ZNF804A: variants seen among roughly 807,000 people sequenced by gnomAD.
The protein encoded by ZNF804A is zinc finger protein 804A.
ZNF804A carries 2 observed loss-of-function variants against 16.5 expected under a neutral mutation model. The observed-to-expected ratio is 0.12, with a 90% CI of 0.05 to 0.38. ZNF804A has a LOEUF of 0.38. ZNF804A is among the 10% of genes least tolerant of loss of function. The pLI is 0.99. For missense variants in ZNF804A, 1,473 were observed against 1,390.7 expected, an observed-to-expected ratio of 1.06 and a Z score of -0.94; for synonymous variants, 534 against 489.6, an observed-to-expected ratio of 1.09 and a Z score of -1.20.
rs373011734 is a variant in ZNF804A, at chr2:184,884,228, A to G, written c.255+17716A>G. ...TAGCTACAAAAGGTATAAAATACCTAGGAATATAGGTAACCAGGGAGGTGA... is the reference window on the plus strand; with the variant it reads ...TAGCTACAAAAGGTATAAAATACCTGGGAATATAGGTAACCAGGGAGGTGA... On this transcript the variant is annotated intron_variant, in intron 2 of 3. Transcript: ENST00000302277. Among the ~76,000 whole-genome samples, 7 of 152,294 alleles carry G rather than the reference A, an allele frequency of 4.6e-5. No individual in the cohort carries two copies. In the East Asian group the frequency reaches 7.7e-4, roughly 17 times the overall value.
intron 1 of ZNF804A, among the ~76,000 whole-genome samples, chr2:184,685,511 T>A (rs1454753776): frequency 1.3e-5 from 2 of 151,946 alleles, no homozygotes; most frequent in Non-Finnish European, 2.9e-5. Flanking sequence ...AAAAATGAGG[T>A]ATGCGGACAA....
intron 2 of ZNF804A, among the ~76,000 whole-genome samples, chr2:184,869,495 C>T (rs549976443): frequency 1.3e-3 from 202 of 152,042 alleles, no homozygotes; most frequent in Admixed American, 3.4e-3. Context: ...AATAATCAAA[C>T]GCCCAATGAG....
intron 1 of ZNF804A, among the ~76,000 whole-genome samples, chr2:184,706,979 C>T (rs1288169037): frequency 2.0e-5 from 3 of 152,080 alleles, no homozygotes; most frequent in African/African-American, 7.2e-5. Flanking sequence ...ATCAGGAGTC[C>T]TTATGTGCCA....
Position 184,836,743 on chromosome 2 carries a change from T to A in ZNF804A, c.112-29626T>A, listed in dbSNP as rs551070233. Among the ~76,000 whole-genome samples the A allele has an allele frequency of 5.3e-5, 8 of 151,984 alleles. No individual in the cohort carries two copies. The South Asian group carries it at 8.3e-4, about 16-fold the overall frequency. On this transcript the variant is annotated intron_variant, in intron 1 of 3. Transcript: ENST00000302277. ...CCCTCATCTCTTGCGTGAGCATTTT[T>A]TAATAGTCTTTTCACAGCTTCCCTA... is the stretch of plus-strand genomic sequence containing the variant.
chr2:184,649,679 T>A (rs1290424767), intron 1 of ZNF804A, among the ~76,000 whole-genome samples: 1 of 151,996 alleles, frequency 6.6e-6, no homozygotes, highest in African/African-American at 2.4e-5. Flanking sequence ...AGGAAATGGA[T>A]AAATTCTTCT....
chr2:184,682,396 C>T (rs767677864), intron 1 of ZNF804A, among the ~76,000 whole-genome samples: 13 of 152,094 alleles, frequency 8.5e-5, no homozygotes, highest in Non-Finnish European at 1.6e-4. Flanking sequence ...AATCATTTTA[C>T]GTGGATGTTA....
rs138352213 is a variant in ZNF804A, at chr2:184,938,892, C to A, written c.3496C>A (p.Pro1166Thr). 7.4e-6 allele frequency: 12 copies of A among 1,613,902 alleles called. 1 individual carries two copies. Among genetic ancestry groups the A allele is most frequent in the Non-Finnish European group, 9.3e-6 (11 of 1,179,990 alleles). ...CPGNQPTFVA[P>T]PQMPIIPASV... ...TGGGAACCAGCCAACTTTTGTTGCT[C>A]CTCCTCAGATGCCAATCATTCCAGC... is the stretch of plus-strand genomic sequence containing the variant. The change falls in exon 4 of 4, where the codon CCT (proline) becomes ACT (threonine). Residue 1166 changes from proline (P) to threonine (T), a missense_variant. Physicochemically the swap from Pro to Thr is conservative, Grantham distance 38. Coordinates refer to ENST00000302277, the MANE Select transcript of ZNF804A (RefSeq NM_194250.2).
chr2:184,598,886 C>T lies in ZNF804A; in HGVS notation c.-74C>T. The T allele has an allele frequency of 5.1e-6, 5 of 973,224 alleles. No individual in the cohort carries two copies. Among genetic ancestry groups the T allele is most frequent in the Middle Eastern group, 2.9e-4 (1 of 3,396 alleles). The allele number at this position is 973,224 out of a possible 1,614,324, so 60.3% of individuals were successfully genotyped here. On this transcript the variant is annotated 5_prime_UTR_variant, in exon 1 of 4. Coordinates refer to ENST00000302277, the MANE Select transcript of ZNF804A (RefSeq NM_194250.2). ...CGGGTTCCCAGCCCACCGTCGCCGG[C>T]CCCGGCGCGCTGCGGCTGTGGGCGC...
At chr2:184,895,011 G>C (rs1685044055) in intron 2 of ZNF804A, among the ~76,000 whole-genome samples, 1 of 152,098 alleles carries the variant, frequency 6.6e-6, no homozygotes, top group South Asian at 2.1e-4. Context: ...ATTATTTACT[G>C]TATCTATTTC....
chr2:184,805,384 T>C (rs1694786122), intron 1 of ZNF804A, among the ~76,000 whole-genome samples: 1 of 152,138 alleles, frequency 6.6e-6, no homozygotes, highest in Non-Finnish European at 1.5e-5. Flanking sequence ...ATATGCTTAA[T>C]TGGTAATGTC....
intron 1 of ZNF804A, among the ~76,000 whole-genome samples, chr2:184,846,362 T>C (rs917861274): frequency 1.3e-5 from 2 of 152,148 alleles, no homozygotes; most frequent in African/African-American, 4.8e-5. Flanking sequence ...TTTTTCTACC[T>C]TTCAGAGAAA....
At chr2:184,852,223 GTCTCTT>G (rs749594042) in intron 1 of ZNF804A, among the ~76,000 whole-genome samples, 42 of 119,438 alleles carry the variant, frequency 3.5e-4, no homozygotes, top group Non-Finnish European at 4.1e-4. Context: ...TGTGAATGCG[GTCTCTT>G]TCTCTCTCTC....
At chr2:184,866,779 G>A (rs892533392) in intron 2 of ZNF804A, among the ~76,000 whole-genome samples, 10 of 149,458 alleles carry the variant, frequency 6.7e-5, no homozygotes, top group Admixed American at 2.0e-4. Flanking sequence ...AAAGTGTTTC[G>A]AAAACAATAT....
chr2:184,897,422 CTTTTTTCCCCTTTCCATACAGCAA>C (rs1223189899), intron 2 of ZNF804A, among the ~76,000 whole-genome samples: 4 of 150,658 alleles, frequency 2.7e-5, no homozygotes, highest in East Asian at 3.9e-4. Context: ...TTTTCCCCCC[CTTTTTTCCCCTTTCCATACAGCAA>C]TTTTTTCCCC....
chr2:184,599,050 A>G lies in ZNF804A; in HGVS notation c.91A>G (p.Lys31Glu). 6.2e-7 allele frequency: 1 copy of G among 1,613,442 alleles called. No homozygotes were observed. The highest frequency in any genetic ancestry group is 1.1e-5 in the South Asian group (1 of 91,076). The change falls in exon 1 of 4, where the codon AAG becomes GAG. Residue 31 changes from lysine (K) to glutamate (E), a missense_variant. Transcript: ENST00000302277. ...GGGAGTTTTCCGGGGCCCTCTCAGC[A>G]AGAACGGGAACAAAACTCTGGTAAT... is the stretch of plus-strand genomic sequence containing the variant. ...IKGVFRGPLS[K>E]NGNKTLDYAE...
intron 1 of ZNF804A, among the ~76,000 whole-genome samples, chr2:184,620,214 T>C (rs1220544108): frequency 6.6e-6 from 1 of 151,798 alleles, no homozygotes; most frequent in East Asian, 1.9e-4. Context: ...ATCTGTTTTG[T>C]TTGCCAAATA....
At position 184,938,528 on chromosome 2, in the gene ZNF804A, C is replaced by A. The variant is rs779371228; in HGVS notation, c.3132C>A (p.Phe1044Leu). 11 of 1,613,906 alleles carry A rather than the reference C, an allele frequency of 6.8e-6. No homozygotes were observed. The highest frequency in any genetic ancestry group is 4.0e-5 in the African/African-American group (3 of 74,890). Reference sequence around the variant, plus strand: ...TCCCACTAGAAAACCATGACAAATTCAAAAATGTACCATGTGAGGTCTACC... The same window carrying A: ...TCCCACTAGAAAACCATGACAAATTAAAAAATGTACCATGTGAGGTCTACC... ...LLIPLENHDKFKNVPCEVYQH... is the reference protein window; with the variant it reads ...LLIPLENHDKLKNVPCEVYQH... The change falls in exon 4 of 4, where the codon TTC becomes TTA. Residue 1044 changes from phenylalanine to leucine, a missense_variant. By Grantham distance (22) the Phe-to-Leu change is conservative. Coordinates refer to ENST00000302277, the MANE Select transcript of ZNF804A (RefSeq NM_194250.2).
chr2:184,829,899 C>CAAAAAAAAAAAAAAAAAAAA (rs1244566222), intron 1 of ZNF804A, among the ~76,000 whole-genome samples: 310 of 38,534 alleles, frequency 8.0e-3, no homozygotes, highest in South Asian at 0.015. Context: ...CTGTCTCTAC[C>CAAAAAAAAAAAAAAAAAAAA]AAAAAAAAAA....
rs374000275 is a variant in ZNF804A, at chr2:184,936,541, A to C, written c.1145A>C (p.His382Pro). Reference sequence around the variant, plus strand: ...GCTACCACAGAGGAAAATGTTAAGCATAACGAGGCATCCACAACTGAGGTT... The same window carrying C: ...GCTACCACAGAGGAAAATGTTAAGCCTAACGAGGCATCCACAACTGAGGTT... ...VQATTEENVKHNEASTTEVEN... is the reference protein window; with the variant it reads ...VQATTEENVKPNEASTTEVEN... The change falls in exon 4 of 4, where the codon CAT becomes CCT. Residue 382 changes from histidine to proline, a missense_variant. His to Pro is a moderately conservative substitution (Grantham distance 77). Transcript: ENST00000302277. The C allele has an allele frequency of 9.9e-6, 16 of 1,614,062 alleles. No homozygotes were observed. Among genetic ancestry groups the C allele is most frequent in the Non-Finnish European group, 1.4e-5 (16 of 1,179,968 alleles).
Sources: gnomAD v4.1 joint callset for allele counts (sites outside exome capture counted in the v4.1 genomes callset) on GRCh38, gnomAD v4.1.1 for gene constraint, MANE v1.5 for transcripts, NCBI Gene and HGNC (gene_info 2026-07-23, HGNC 2026-07-21) for gene names.